The following LRRC72 variants were observed in gnomAD, a reference collection of about 807,000 sequenced individuals.
LRRC72 encodes leucine-rich repeat-containing protein 72.
LRRC72 carries 41 observed loss-of-function variants against 35.8 expected under a neutral mutation model. The observed-to-expected ratio is 1.15, with a 90% CI of 0.89 to 1.49. The LOEUF is 1.49. LRRC72 is among the 40% of genes most tolerant of loss of function. The pLI is 0.00. For synonymous variants in LRRC72, 118 were observed against 119.2 expected, an observed-to-expected ratio of 0.99 and a Z score of 0.07; for missense variants, 389 against 330.7, an observed-to-expected ratio of 1.18 and a Z score of -1.37.
intron 3 of LRRC72, among the ~76,000 whole-genome samples, chr7:16,550,026 C>T (rs1782521192): frequency 6.6e-6 from 1 of 152,070 alleles, no homozygotes; most frequent in Non-Finnish European, 1.5e-5. Context: ...TAAGACCAGT[C>T]TGAGAAACAT....
chr7:16,547,385 C>T (rs570292194), intron 3 of LRRC72, among the ~76,000 whole-genome samples: 1 of 152,176 alleles, frequency 6.6e-6, no homozygotes, highest in South Asian at 2.1e-4. Flanking sequence ...GCAGGAGCTC[C>T]CCAGGCACAA....
chr7:16,566,313 G>A lies in LRRC72; in HGVS notation c.428G>A (p.Ser143Asn). ...LKGMLNLKIL[S>N]LYQNPLCQYN... Reference sequence around the variant, plus strand: ...TTTATTTTGGATTCTTCATTTGCAGGTCTATACCAAAATCCTTTGTGCCAA... The same window carrying A: ...TTTATTTTGGATTCTTCATTTGCAGATCTATACCAAAATCCTTTGTGCCAA... Residue 143 changes from serine (S) to asparagine (N), a missense_variant and splice_region_variant, in exon 6 of 9, where the codon AGT becomes AAT. Coordinates refer to ENST00000401542, the MANE Select transcript of LRRC72 (RefSeq NM_001195280.2). 1 of 1,528,702 alleles carries A rather than the reference G, an allele frequency of 6.5e-7. No individual in the cohort carries two copies. 94.7% of individuals were successfully genotyped at this position (1,528,702 alleles called of 1,614,324 possible). A position where few individuals can be genotyped will look rare whatever the true frequency, so the allele number is the denominator to read the frequency against.
rs146169341 is a variant in LRRC72 at position 16,577,688 on chromosome 7, A to T, written c.671-2386A>T. On this transcript the variant is annotated intron_variant, in intron 7 of 8. Transcript: ENST00000401542. ...ATAATAGGCAGAAGTTAACACTCAT[A>T]ATTTCTAAAGGACATCTCCAAGTCA... Among the ~76,000 whole-genome samples the T allele has an allele frequency of 4.6e-3, 700 of 152,368 alleles. 5 individuals carry two copies. The highest frequency in any genetic ancestry group is 0.016 in the African/African-American group (668 of 41,586).
At chr7:16,549,789 G>C (rs1289944651) in intron 3 of LRRC72, among the ~76,000 whole-genome samples, 3 of 152,142 alleles carry the variant, frequency 2.0e-5, no homozygotes, top group Admixed American at 1.3e-4. Flanking sequence ...ATTGTGGGGA[G>C]GAGTTTTAGA....
chr7:16,571,630 G>A (rs902163153), intron 7 of LRRC72, among the ~76,000 whole-genome samples: 2 of 152,144 alleles, frequency 1.3e-5, no homozygotes, highest in African/African-American at 4.8e-5. Context: ...AAGCCATGAG[G>A]GACTGTGCCT....
At chr7:16,547,922 C>A (rs1254374678) in intron 3 of LRRC72, among the ~76,000 whole-genome samples, 1 of 152,226 alleles carries the variant, frequency 6.6e-6, no homozygotes, top group East Asian at 1.9e-4. Flanking sequence ...CTGGAAAGGG[C>A]CTAAAGGCTG....
intron 1 of LRRC72, 50 bp from the exon 2 acceptor site, chr7:16,532,444 GC>G: frequency 7.4e-7 from 1 of 1,359,088 alleles, no homozygotes; most frequent in South Asian, 1.2e-5. Context: ...AAGTGCCTCA[GC>G]ACTTTTGTTC....
At chr7:16,567,329 AT>A in intron 6 of LRRC72, 61 bp from the exon 7 acceptor site, 1 of 1,159,816 alleles carries the variant, frequency 8.6e-7, no homozygotes, top group South Asian at 2.2e-5. Flanking sequence ...GTTCAGTTCT[AT>A]TTTGAATCAC....
chr7:16,562,985 T>C (rs1782768777), intron 5 of LRRC72, among the ~76,000 whole-genome samples: 1 of 152,190 alleles, frequency 6.6e-6, no homozygotes, highest in Non-Finnish European at 1.5e-5. Flanking sequence ...AAGATGGTGA[T>C]TAACAATGGA....
At position 16,559,395 on chromosome 7, in the gene LRRC72, G is replaced by GA. The variant is rs1005393032; in HGVS notation, c.427+408dup. On this transcript the variant is annotated intron_variant, in intron 5 of 8. Coordinates refer to ENST00000401542, the MANE Select transcript of LRRC72 (RefSeq NM_001195280.2). Reference sequence around the variant, plus strand: ...GGTAACAGAGCAAGACCCTGTCTCAGAAAAAAAAAAAATTAGATATTCCTG... The same window carrying GA: ...GGTAACAGAGCAAGACCCTGTCTCAGAAAAAAAAAAAAATTAGATATTCCTG... Among the ~76,000 whole-genome samples, 995 of 142,100 alleles carry GA rather than the reference G, an allele frequency of 7.0e-3. 8 individuals are homozygous for GA. The highest frequency in any genetic ancestry group is 0.019 in the African/African-American group (727 of 38,826). The allele number at this position is 142,100 out of a possible 152,430, so 93.2% of individuals were successfully genotyped here.
At chr7:16,560,438 T>G (rs1195967730) in intron 5 of LRRC72, among the ~76,000 whole-genome samples, 2 of 152,226 alleles carry the variant, frequency 1.3e-5, no homozygotes, top group Non-Finnish European at 2.9e-5. Context: ...ACCAAGTTCA[T>G]GGCAATTTTA....
intron 3 of LRRC72, among the ~76,000 whole-genome samples, chr7:16,542,544 C>T (rs78062212): frequency 1.3e-5 from 2 of 152,244 alleles, no homozygotes; most frequent in African/African-American, 4.8e-5. Flanking sequence ...GAGGAGACAT[C>T]GATCAATTTT....
At chr7:16,547,815 C>T (rs1413831636) in intron 3 of LRRC72, among the ~76,000 whole-genome samples, 1 of 152,224 alleles carries the variant, frequency 6.6e-6, no homozygotes, top group Non-Finnish European at 1.5e-5. Flanking sequence ...GCAGGTGCCC[C>T]TTGGCATGAA....
intron 2 of LRRC72, among the ~76,000 whole-genome samples, chr7:16,533,289 G>A (rs1289975103): frequency 1.3e-5 from 2 of 151,974 alleles, no homozygotes; most frequent in Admixed American, 6.6e-5. Flanking sequence ...GATTCCACTC[G>A]AACTCCCCAA....
intron 5 of LRRC72, among the ~76,000 whole-genome samples, chr7:16,559,448 TAA>T (rs1453313254): frequency 6.6e-6 from 1 of 152,196 alleles, no homozygotes; most frequent in African/African-American, 2.4e-5. Flanking sequence ...TATTGTCTTT[TAA>T]GATACGCTTT....
In LRRC72 at chr7:16,532,401, G is replaced by C. The variant is rs1393439041; in HGVS notation, c.91-94G>C. The C allele has an allele frequency of 8.6e-6, 7 of 813,674 alleles. No homozygotes were observed. The East Asian group carries it at 1.9e-4, about 22-fold the overall frequency. The allele number at this position is 813,674 out of a possible 1,614,324, so 50.4% of individuals were successfully genotyped here. Reference sequence around the variant, plus strand: ...TTACCTCCATATTCACCTTTCTTTTGATCTTCTTGTAGACGTTATTGTTAC... The same window carrying C: ...TTACCTCCATATTCACCTTTCTTTTCATCTTCTTGTAGACGTTATTGTTAC... On this transcript the variant is annotated intron_variant, in intron 1 of 8. Coordinates refer to ENST00000401542, the MANE Select transcript of LRRC72 (RefSeq NM_001195280.2).
At chr7:16,547,044 CT>C (rs919557959) in intron 3 of LRRC72, among the ~76,000 whole-genome samples, 5 of 152,122 alleles carry the variant, frequency 3.3e-5, no homozygotes, top group Non-Finnish European at 7.4e-5. Context: ...AGGCAGCCAA[CT>C]GCACCACCTC....
At chr7:16,537,993 C>A (rs1782292319) in intron 3 of LRRC72, among the ~76,000 whole-genome samples, 2 of 152,170 alleles carry the variant, frequency 1.3e-5, no homozygotes. Flanking sequence ...CCTACTTGGG[C>A]TCCTGAAAGA....
chr7:16,559,032 TA>T, intron 5 of LRRC72, 33 bp downstream of exon 5: 1 of 1,169,442 alleles, frequency 8.6e-7, no homozygotes, highest in Non-Finnish European at 1.2e-6. Context: ...GGCCATAAGT[TA>T]AAATAGTATT....
Sources: allele counts gnomAD v4.1 joint callset (sites outside exome capture counted in the v4.1 genomes callset), GRCh38; gene constraint gnomAD v4.1.1; transcripts MANE v1.5; gene names NCBI Gene and HGNC (gene_info 2026-07-23, HGNC 2026-07-21).